Variants in PARM1 observed in about 807,000 individuals in gnomAD.
PARM1 encodes the protein WSC4, cell wall integrity and stress response component 4 homolog.
Under a neutral mutation model 24.6 loss-of-function variants are expected in PARM1, and 14 were observed. That is an observed-to-expected ratio of 0.57 (90% CI 0.38 to 0.89). PARM1 has a LOEUF of 0.89. Ranked by LOEUF, PARM1 falls within the 40% of genes least tolerant of loss-of-function variation. The pLI, the probability that PARM1 is intolerant of heterozygous loss-of-function variation, is 0.00. For missense variants in PARM1, 362 were observed against 380.4 expected (o/e 0.95, Z 0.40); for synonymous variants, 179 against 156.6 (o/e 1.14, Z -1.07).
intron 1 of PARM1, among the ~76,000 whole-genome samples, chr4:75,010,575 A>G (rs992436834): frequency 6.6e-6 from 1 of 152,224 alleles, no homozygotes; most frequent in African/African-American, 2.4e-5. Context: ...CTAGAGTAGA[A>G]AAGAATTAGT....
intron 1 of PARM1, among the ~76,000 whole-genome samples, chr4:74,936,539 C>T (rs1480807821): frequency 6.6e-6 from 1 of 151,254 alleles, no homozygotes; most frequent in South Asian, 2.1e-4. Context: ...CTGCAAGCTC[C>T]GCCTCCCGGG....
chr4:74,970,685 G>A (rs1722013079), intron 1 of PARM1, among the ~76,000 whole-genome samples: 1 of 152,252 alleles, frequency 6.6e-6, no homozygotes, highest in Non-Finnish European at 1.5e-5. Context: ...CTCTTACCCT[G>A]GTAAATGTCT....
At chr4:75,036,081 C>G (rs1459728573) in intron 3 of PARM1, among the ~76,000 whole-genome samples, 4 of 152,134 alleles carry the variant, frequency 2.6e-5, no homozygotes. Flanking sequence ...TCTGCCCCTC[C>G]TTCCCAAAAA....
intron 1 of PARM1, among the ~76,000 whole-genome samples, chr4:74,944,304 A>C (rs1280902200): frequency 1.3e-5 from 2 of 152,234 alleles, no homozygotes; most frequent in Admixed American, 6.5e-5. Flanking sequence ...AGCAACCTAT[A>C]AACAAACCAA....
intron 1 of PARM1, chr4:74,999,199 T>G (rs1053531630): frequency 6.6e-6 from 1 of 152,254 alleles, no homozygotes; most frequent in African/African-American, 2.4e-5. Flanking sequence ...CCTCAGATTC[T>G]AAGAACTTCA....
rs1002223230 is a variant in PARM1 at position 75,047,465 on chromosome 4, T to C, written c.*1218T>C. On this transcript the variant is annotated 3_prime_UTR_variant, in exon 4 of 4. Transcript: ENST00000307428. ...CTGCACAATAAATTTTGAGAAAGAA[T>C]TGTTCCTCTTTGTAGGTATCTGTGT... is the stretch of plus-strand genomic sequence containing the variant. 6.6e-6 allele frequency: 1 copy of C among 152,270 alleles called. No individual in the cohort carries two copies. Among genetic ancestry groups the C allele is most frequent in the African/African-American group, 2.4e-5 (1 of 41,460 alleles). 9.4% of individuals were successfully genotyped at this position (152,270 alleles called of 1,614,324 possible). A position where few individuals can be genotyped will look rare whatever the true frequency, so the allele number is the denominator to read the frequency against.
chr4:74,957,874 C>T (rs1203945232), intron 1 of PARM1, among the ~76,000 whole-genome samples: 1 of 152,144 alleles, frequency 6.6e-6, no homozygotes, highest in African/African-American at 2.4e-5. Flanking sequence ...CTTAATAGGC[C>T]TGCAGTATTC....
intron 1 of PARM1, among the ~76,000 whole-genome samples, chr4:74,948,412 A>ATTT (rs1721447486): frequency 6.6e-6 from 1 of 152,220 alleles, no homozygotes; most frequent in Admixed American, 6.5e-5. Flanking sequence ...GAGAGTTAAG[A>ATTT]TTTAAAGGCT....
chr4:74,967,688 T>C (rs982432165), intron 1 of PARM1: 3 of 152,306 alleles, frequency 2.0e-5, no homozygotes, highest in South Asian at 4.1e-4. Context: ...TGAAAAGACA[T>C]GAAAGAAGGT....
intron 2 of PARM1, among the ~76,000 whole-genome samples, chr4:75,020,009 C>CAAAA (rs1161399344): frequency 3.9e-4 from 12 of 31,094 alleles, no homozygotes; most frequent in South Asian, 3.4e-3. Context: ...GACTCCGTCT[C>CAAAA]AAAAAAAAAA....
chr4:74,986,064 G>A (rs368843463), intron 1 of PARM1, among the ~76,000 whole-genome samples: 4 of 152,290 alleles, frequency 2.6e-5, no homozygotes. Flanking sequence ...ACTGCACCCG[G>A]CCTTAGAATA....
chr4:75,025,484 A>G (rs1234905493), intron 2 of PARM1, among the ~76,000 whole-genome samples: 2 of 152,238 alleles, frequency 1.3e-5, no homozygotes, highest in Non-Finnish European at 2.9e-5. Flanking sequence ...CAGTTAAAAT[A>G]AATTCCAAGT....
intron 1 of PARM1, among the ~76,000 whole-genome samples, chr4:75,008,072 T>A: frequency 6.6e-6 from 1 of 152,244 alleles, no homozygotes; most frequent in East Asian, 1.9e-4. Flanking sequence ...ACGATCATCA[T>A]GGTGCCTTAG....
intron 1 of PARM1, among the ~76,000 whole-genome samples, chr4:74,999,840 C>T (rs1408257972): frequency 3.3e-5 from 5 of 152,212 alleles, no homozygotes; most frequent in Middle Eastern, 3.4e-3. Context: ...CTTCAGCCTC[C>T]GGGAGCCATT....
intron 2 of PARM1, among the ~76,000 whole-genome samples, 169 bp from the exon 3 acceptor site, chr4:75,033,714 C>A (rs1289224103): frequency 6.6e-6 from 1 of 152,110 alleles, no homozygotes; most frequent in East Asian, 1.9e-4. Flanking sequence ...GAATTAAAAT[C>A]CTGGGTTTTA....
chr4:74,982,649 C>T (rs1722280825), intron 1 of PARM1, among the ~76,000 whole-genome samples: 1 of 152,096 alleles, frequency 6.6e-6, no homozygotes, highest in African/African-American at 2.4e-5. Flanking sequence ...GACTGTGCCA[C>T]CATTGTTGAA....
intron 1 of PARM1, among the ~76,000 whole-genome samples, chr4:75,007,410 G>C (rs1722792706): frequency 6.6e-6 from 1 of 152,116 alleles, no homozygotes; most frequent in South Asian, 2.1e-4. Flanking sequence ...TATCAGTGGG[G>C]GTCACAGGGC....
intron 1 of PARM1, among the ~76,000 whole-genome samples, chr4:74,987,068 A>G (rs934552515): frequency 3.9e-5 from 6 of 152,224 alleles, no homozygotes; most frequent in Admixed American, 6.5e-5. Flanking sequence ...TAAATGTTCA[A>G]TATTATTAGT....
rs535983090 is a variant in PARM1, at chr4:75,040,658, G to A, written c.849-5505G>A. ...TATTAATTTCTTAGTTTTGACAAAT[G>A]TACCACAATTATGTATCAACATTAG... is the stretch of plus-strand genomic sequence containing the variant. On this transcript the variant is annotated intron_variant, in intron 3 of 3. Transcript: ENST00000307428. 7.9e-5 allele frequency among the ~76,000 whole-genome samples: 12 copies of A among 152,328 alleles called. No individual in the cohort carries two copies. The South Asian group carries it at 2.5e-3, about 32-fold the overall frequency.
Sources: allele counts gnomAD v4.1 joint callset (sites outside exome capture counted in the v4.1 genomes callset), GRCh38; gene constraint gnomAD v4.1.1; transcripts MANE v1.5; gene names NCBI Gene and HGNC (gene_info 2026-07-23, HGNC 2026-07-21).